TBC1D14: variants seen among roughly 807,000 people sequenced by gnomAD.
TBC1D14 encodes TBC1 domain family member 14, also known as TBC1 domain family, member 14.
Under a neutral mutation model 79.0 loss-of-function variants are expected in TBC1D14, and 26 were observed. The ratio of observed to expected loss-of-function variants is 0.33; its 90% CI spans 0.24 to 0.46. The LOEUF is 0.46. Ranked by LOEUF, TBC1D14 falls within the 20% of genes least tolerant of loss-of-function variation. The probability of loss-of-function intolerance (pLI) is 1.00; values close to 1 mark genes in which losing one functional copy is unlikely to be tolerated. For synonymous variants in TBC1D14, 394 were observed against 349.9 expected, an observed-to-expected ratio of 1.13 and a Z score of -1.40; for missense variants, 769 against 887.6, an observed-to-expected ratio of 0.87 and a Z score of 1.70.
chr4:6,918,824 C>G (rs190617849), intron 1 of TBC1D14, among the ~76,000 whole-genome samples: 70 of 152,286 alleles, frequency 4.6e-4, no homozygotes, highest in African/African-American at 1.6e-3. Flanking sequence ...ATGTTTCTTA[C>G]TCTATTTTCC....
intron 2 of TBC1D14, among the ~76,000 whole-genome samples, chr4:6,939,099 C>T (rs1712632199): frequency 6.6e-6 from 1 of 152,234 alleles, no homozygotes; most frequent in South Asian, 2.1e-4. Flanking sequence ...CATCCTGGCT[C>T]TGCCACCCAC....
intron 3 of TBC1D14, among the ~76,000 whole-genome samples, chr4:6,978,573 A>G (rs974467086): frequency 6.7e-6 from 1 of 148,848 alleles, no homozygotes; most frequent in Non-Finnish European, 1.5e-5. Context: ...ACCACTCCCT[A>G]ATCTCAAGTA....
chr4:6,924,992 G>A (rs936476155), intron 2 of TBC1D14, among the ~76,000 whole-genome samples: 1 of 152,248 alleles, frequency 6.6e-6, no homozygotes, highest in East Asian at 1.9e-4. Context: ...TGGAGAGTAC[G>A]TGTAGAATTG....
intron 2 of TBC1D14, among the ~76,000 whole-genome samples, chr4:6,961,224 C>T (rs1325930642): frequency 6.6e-6 from 1 of 152,110 alleles, no homozygotes; most frequent in Non-Finnish European, 1.5e-5. Flanking sequence ...AGGCTCTTCA[C>T]ATGGCCGGGT....
intron 2 of TBC1D14, among the ~76,000 whole-genome samples, chr4:6,951,647 G>A (rs963636695): frequency 1.3e-5 from 2 of 151,146 alleles, no homozygotes; most frequent in East Asian, 1.9e-4. Flanking sequence ...TGTTGAATAA[G>A]TCTGTTTCTT....
At chr4:6,957,777 C>T (rs946744963) in intron 2 of TBC1D14, among the ~76,000 whole-genome samples, 4 of 152,154 alleles carry the variant, frequency 2.6e-5, no homozygotes, top group Non-Finnish European at 5.9e-5. Context: ...GTGGAATAAG[C>T]CTGTAGTCCC....
intron 2 of TBC1D14, among the ~76,000 whole-genome samples, chr4:6,931,496 A>G (rs974108437): frequency 2.0e-5 from 3 of 152,140 alleles, no homozygotes; most frequent in Non-Finnish European, 4.4e-5. Context: ...CACTGCACAC[A>G]TGGTTGAAAG....
intron 1 of TBC1D14, among the ~76,000 whole-genome samples, chr4:6,912,868 G>C (rs1723115511): frequency 6.6e-6 from 1 of 152,228 alleles, no homozygotes; most frequent in South Asian, 2.1e-4. Context: ...GTTAAGAAAT[G>C]AGTCCAAGCT....
intron 2 of TBC1D14, among the ~76,000 whole-genome samples, chr4:6,937,771 A>G (rs1363236540): frequency 6.6e-6 from 1 of 152,130 alleles, no homozygotes; most frequent in South Asian, 2.1e-4. Flanking sequence ...ACATTGGGGC[A>G]TGGATTCTCC....
intron 3 of TBC1D14, among the ~76,000 whole-genome samples, chr4:6,970,768 A>C (rs1716152572): frequency 6.8e-6 from 1 of 146,612 alleles, no homozygotes; most frequent in Admixed American, 6.8e-5. Flanking sequence ...GACCTGCCTC[A>C]AGGAGCCCGT....
intron 11 of TBC1D14, among the ~76,000 whole-genome samples, chr4:7,011,549 T>G (rs943318039): frequency 6.6e-6 from 1 of 152,086 alleles, no homozygotes; most frequent in South Asian, 2.1e-4. Flanking sequence ...TTTTTTGTTT[T>G]TTTTGTTTTG....
intron 2 of TBC1D14, among the ~76,000 whole-genome samples, chr4:6,958,468 C>T (rs1036313773): frequency 1.3e-5 from 2 of 151,804 alleles, no homozygotes; most frequent in African/African-American, 4.9e-5. Flanking sequence ...GCTGTGTCAC[C>T]CAGGCTGGCT....
Position 6,924,015 on chromosome 4 carries a change from A to C in TBC1D14, c.626A>C (p.Lys209Thr). 6.2e-7 allele frequency: 1 copy of C among 1,614,182 alleles called. No individual in the cohort carries two copies. The highest frequency in any genetic ancestry group is 8.5e-7 in the Non-Finnish European group (1 of 1,180,026). Residue 209 changes from lysine (K) to threonine (T), a missense_variant, in exon 2 of 14, where the codon AAG becomes ACG. Physicochemically the swap from Lys to Thr is moderately conservative, Grantham distance 78. Transcript: ENST00000409757. The stretch of plus-strand genomic sequence containing the variant: ...ACCAACGTCACCTTGAGCTCTATCA[A>C]GGAAACCCGTGGCTTACACCAGCAG... ...QFTNVTLSSI[K>T]ETRGLHQQDC...
In TBC1D14 at chr4:7,031,910, A is replaced by G. The variant is rs1723092138; in HGVS notation, c.*1518A>G. 1 of 152,358 alleles carries G rather than the reference A, an allele frequency of 6.6e-6. No individual in the cohort carries two copies. 9.4% of individuals were successfully genotyped at this position (152,358 alleles called of 1,614,324 possible). A position where few individuals can be genotyped will look rare whatever the true frequency, so the allele number is the denominator to read the frequency against. The stretch of plus-strand genomic sequence containing the variant: ...GCTGGGGAAGGAAAGCCGAGCTGGC[A>G]TTCGTTCTCTGGACTTTTTATGCCT... On this transcript the variant is annotated 3_prime_UTR_variant, in exon 14 of 14. Coordinates refer to ENST00000409757, the MANE Select transcript of TBC1D14 (RefSeq NM_020773.3).
chr4:6,995,208 A>T (rs1718889883), intron 4 of TBC1D14: 1 of 152,246 alleles, frequency 6.6e-6, no homozygotes, highest in African/African-American at 2.4e-5. Context: ...AAGGTATACC[A>T]AGATGCTTAG....
chr4:6,986,876 CAGG>C (rs917085176), intron 3 of TBC1D14, among the ~76,000 whole-genome samples: 15 of 152,248 alleles, frequency 9.9e-5, no homozygotes, highest in African/African-American at 3.4e-4. Context: ...TTGTGAAAAA[CAGG>C]AGCCACGGTA....
intron 9 of TBC1D14, chr4:7,007,446 C>T (rs999616301): frequency 2.0e-5 from 17 of 842,934 alleles, no homozygotes; most frequent in African/African-American, 1.1e-4. Context: ...TTATCTATAA[C>T]GGGTTTTTGC....
intron 3 of TBC1D14, among the ~76,000 whole-genome samples, chr4:6,990,497 C>T (rs960849857): frequency 2.0e-5 from 3 of 152,186 alleles, no homozygotes; most frequent in African/African-American, 7.2e-5. Flanking sequence ...GCAGCTGTCA[C>T]TTAAGTGGGC....
rs1192352953 is a variant in TBC1D14, at chr4:7,030,388, A to G, written c.2078A>G (p.His693Arg). The G allele has an allele frequency of 1.9e-6, 3 of 1,613,844 alleles. No individual in the cohort carries two copies. Among genetic ancestry groups the G allele is most frequent in the Non-Finnish European group, 2.5e-6 (3 of 1,179,868 alleles). The change falls in exon 14 of 14, where the codon CAC becomes CGC. Residue 693 changes from histidine to arginine, a missense_variant. This residue lies in a region of TBC1D14 where 367 missense variants were observed against 494.4 expected (regional missense o/e 0.74). Transcript: ENST00000409757. ...EMEKGSPSLR[H>R] ...GAGAAGGGAAGTCCGTCCCTCCGACACTGAGGCTGCAGCGGGAATTCGCAC... is the reference window on the plus strand; with the variant it reads ...GAGAAGGGAAGTCCGTCCCTCCGACGCTGAGGCTGCAGCGGGAATTCGCAC...
Sources: gnomAD v4.1 joint callset for allele counts (sites outside exome capture counted in the v4.1 genomes callset) on GRCh38, gnomAD v4.1.1 for gene constraint, gnomAD v4.1.1 regional missense constraint, MANE v1.5 for transcripts, NCBI Gene and HGNC (gene_info 2026-07-23, HGNC 2026-07-21) for gene names.